Variants in COA1 observed in about 807,000 individuals in gnomAD.
The protein encoded by COA1 is cytochrome c oxidase assembly factor 1, also known as cytochrome c oxidase assembly factor 1 homolog.
Under a neutral mutation model 16.0 loss-of-function variants are expected in COA1, and 13 were observed. The ratio of observed to expected loss-of-function variants is 0.81; its 90% CI spans 0.53 to 1.29. The LOEUF (loss-of-function observed/expected upper bound fraction) is 1.29. Among genes scored for constraint, COA1 ranks in the 50% most tolerant of loss-of-function variants. The pLI is 0.00. For synonymous variants in COA1, 65 were observed against 65.7 expected (o/e 0.99, Z 0.05); for missense variants, 179 against 177.0 (o/e 1.01, Z -0.06).
intron 1 of COA1, among the ~76,000 whole-genome samples, chr7:43,691,233 A>G (rs562757490): frequency 2.1e-5 from 3 of 141,662 alleles, no homozygotes; most frequent in African/African-American, 8.1e-5. Context: ...TGGGTGACAA[A>G]GCAAGACCTT....
chr7:43,708,599 T>C (rs1290341832), intron 1 of COA1, among the ~76,000 whole-genome samples: 1 of 152,238 alleles, frequency 6.6e-6, no homozygotes, highest in Non-Finnish European at 1.5e-5. Context: ...CTCTAATGAT[T>C]TGTGCTCTTT....
At chr7:43,695,563 G>A (rs1224380387) in intron 1 of COA1, among the ~76,000 whole-genome samples, 2 of 151,954 alleles carry the variant, frequency 1.3e-5, no homozygotes, top group African/African-American at 4.8e-5. Context: ...AATGGGACTT[G>A]GCCTGTCACT....
intron 1 of COA1, among the ~76,000 whole-genome samples, chr7:43,667,840 C>T (rs1025139066): frequency 6.6e-6 from 1 of 152,124 alleles, no homozygotes; most frequent in Non-Finnish European, 1.5e-5. Context: ...TTTTCAGAGT[C>T]CAGGAAACTT....
chr7:43,630,405 G>A (rs972224385), intron 6 of COA1, among the ~76,000 whole-genome samples: 1 of 152,122 alleles, frequency 6.6e-6, no homozygotes, highest in Non-Finnish European at 1.5e-5. Context: ...TCAATACATT[G>A]TGATGGGTTT....
chr7:43,702,633 T>C (rs1019127189), intron 1 of COA1, among the ~76,000 whole-genome samples: 1 of 152,292 alleles, frequency 6.6e-6, no homozygotes, highest in Admixed American at 6.5e-5. Context: ...TATTCTAGGT[T>C]TTCTAGTTTC....
chr7:43,654,795 C>T (rs894309214), intron 1 of COA1, among the ~76,000 whole-genome samples: 3 of 152,198 alleles, frequency 2.0e-5, no homozygotes, highest in Non-Finnish European at 4.4e-5. Context: ...CAGTTCCGTT[C>T]ACCAACACCT....
intron 1 of COA1, among the ~76,000 whole-genome samples, chr7:43,674,007 G>A (rs2093396768): frequency 6.6e-6 from 1 of 152,116 alleles, no homozygotes; most frequent in African/African-American, 2.4e-5. Context: ...GTGGAGGGAG[G>A]GAGGGAGGAA....
At chr7:43,651,022 TG>T (rs2090661413) in intron 1 of COA1, among the ~76,000 whole-genome samples, 1 of 152,130 alleles carries the variant, frequency 6.6e-6, no homozygotes, top group African/African-American at 2.4e-5. Flanking sequence ...TCAGTTTACC[TG>T]CCCCTTCAGC....
intron 6 of COA1, among the ~76,000 whole-genome samples, chr7:43,614,345 T>C (rs964522561): frequency 6.6e-6 from 1 of 152,228 alleles, no homozygotes; most frequent in African/African-American, 2.4e-5. Flanking sequence ...TCTCCCTTAC[T>C]ACCTGGGATT....
chr7:43,700,585 T>C (rs2094694294), intron 1 of COA1, among the ~76,000 whole-genome samples: 1 of 108,188 alleles, frequency 9.2e-6, no homozygotes, highest in South Asian at 3.2e-4. Flanking sequence ...TATACGTGTA[T>C]ATATACGTGT....
intron 1 of COA1, chr7:43,711,270 T>C (rs2095238982): frequency 6.6e-6 from 1 of 152,008 alleles, no homozygotes. Flanking sequence ...GAGAGCATGG[T>C]TAACTCAATG....
intron 6 of COA1, among the ~76,000 whole-genome samples, chr7:43,621,596 T>C (rs1458109735): frequency 6.6e-6 from 1 of 152,082 alleles, no homozygotes. Context: ...GCCTCCCGAG[T>C]AGCTGGGACC....
chr7:43,696,917 G>A (rs143400968), intron 1 of COA1, among the ~76,000 whole-genome samples: 180 of 152,068 alleles, frequency 1.2e-3, no homozygotes, highest in African/African-American at 4.2e-3. Context: ...AAGGTCAAGA[G>A]ATCAAGACCA....
intron 1 of COA1, among the ~76,000 whole-genome samples, chr7:43,725,166 A>G (rs1407976757): frequency 6.6e-6 from 1 of 151,428 alleles, no homozygotes; most frequent in African/African-American, 2.4e-5. Flanking sequence ...TGAACCCGGG[A>G]GGTGGGGGTT....
At chr7:43,620,008 C>T (rs977583572) in intron 6 of COA1, among the ~76,000 whole-genome samples, 7 of 152,136 alleles carry the variant, frequency 4.6e-5, no homozygotes, top group African/African-American at 1.4e-4. Context: ...AGGATATTAG[C>T]TTATCTGAGG....
chr7:43,669,192 G>A (rs1258254764), intron 1 of COA1, among the ~76,000 whole-genome samples: 4 of 152,158 alleles, frequency 2.6e-5, no homozygotes, highest in African/African-American at 9.7e-5. Context: ...AGCAGTTATG[G>A]TGACATCTCC....
At chr7:43,727,839 G>C (rs959508940) in intron 1 of COA1, among the ~76,000 whole-genome samples, 1 of 152,166 alleles carries the variant, frequency 6.6e-6, no homozygotes, top group Non-Finnish European at 1.5e-5. Flanking sequence ...AAGAATACAA[G>C]AATAACTTAT....
chr7:43,617,558 C>G (rs1230183728), intron 6 of COA1, among the ~76,000 whole-genome samples: 6 of 152,138 alleles, frequency 3.9e-5, no homozygotes, highest in African/African-American at 1.4e-4. Flanking sequence ...ATAGCATTCA[C>G]TGAGACGCCT....
At chr7:43,623,718 A>C (rs1395796605) in intron 6 of COA1, 1 of 1,606,218 alleles carries the variant, frequency 6.2e-7, no homozygotes, top group South Asian at 1.1e-5. Flanking sequence ...GGAGCATTGG[A>C]GTGTTAACAT....
Sources: gnomAD v4.1 joint callset for allele counts (sites outside exome capture counted in the v4.1 genomes callset) on GRCh38, gnomAD v4.1.1 for gene constraint, MANE v1.5 for transcripts, NCBI Gene and HGNC (gene_info 2026-07-23, HGNC 2026-07-21) for gene names.